SPATA7: variants seen among roughly 807,000 people sequenced by gnomAD.
The protein encoded by SPATA7 is spermatogenesis associated 7.
A neutral mutation model predicts 51.8 loss-of-function variants in SPATA7; 43 were observed. That is an observed-to-expected ratio of 0.83 (90% CI 0.65 to 1.07). The LOEUF (loss-of-function observed/expected upper bound fraction) is 1.07. Among genes scored for constraint, SPATA7 ranks in the 50% least tolerant of loss-of-function variants. The probability of loss-of-function intolerance (pLI) is 0.00; values close to 1 mark genes in which losing one functional copy is unlikely to be tolerated. For synonymous variants in SPATA7, 230 were observed against 252.8 expected (o/e 0.91, Z 0.86); for missense variants, 683 against 701.3 (o/e 0.97, Z 0.30).
downstream of SPATA7, among the ~76,000 whole-genome samples, chr14:88,440,004 C>T (rs1325267622): frequency 6.6e-6 from 1 of 152,138 alleles, no homozygotes; most frequent in Non-Finnish European, 1.5e-5. Context: ...TCTTGGTCCC[C>T]AGCCTGGGTC....
Position 88,431,211 on chromosome 14 carries a change from T to TA in SPATA7, c.1072dup (p.Ile358AsnfsTer4). The TA allele has an allele frequency of 6.2e-7, 1 of 1,613,626 alleles. No homozygotes were observed. Among genetic ancestry groups the TA allele is most frequent in the Non-Finnish European group, 8.5e-7 (1 of 1,179,632 alleles). On this transcript the variant is annotated frameshift_variant, in exon 9 of 12. Transcript: ENST00000393545. LOFTEE classifies it high-confidence loss of function. ...ATTCCCTGAAGCCCCCTTCAACTCGTAAAATCTACTCTGAGTAAGATCTTT... is the reference window on the plus strand; with the variant it reads ...ATTCCCTGAAGCCCCCTTCAACTCGTAAAAATCTACTCTGAGTAAGATCTTT...
chr14:88,417,338 ACT>A (rs2076513309), intron 5 of SPATA7, among the ~76,000 whole-genome samples: 3 of 141,840 alleles, frequency 2.1e-5, no homozygotes, highest in Non-Finnish European at 4.5e-5. Context: ...ATATAGTCTC[ACT>A]CTGTTGCCCA....
intron 5 of SPATA7, among the ~76,000 whole-genome samples, chr14:88,423,521 A>C (rs981871237): frequency 6.6e-5 from 10 of 151,776 alleles, no homozygotes; most frequent in African/African-American, 2.4e-4. Flanking sequence ...AGGCCACTGC[A>C]CTCCAGCCTG....
chr14:88,391,766 G>A, intron 2 of SPATA7: 2 of 387,282 alleles, frequency 5.2e-6, no homozygotes, highest in Non-Finnish European at 9.7e-6. Context: ...ATGGTGAGTA[G>A]CAGGTATTAA....
intron 5 of SPATA7, 30 bp downstream of exon 5, chr14:88,416,874 A>G: frequency 1.3e-6 from 2 of 1,556,426 alleles, no homozygotes; most frequent in South Asian, 1.1e-5. Flanking sequence ...TTTTAAAAGC[A>G]AATGTTTCTA....
In SPATA7 at chr14:88,462,707, G is replaced by A. The variant is rs548458082; in HGVS notation, c.255-7140G>A. 2.0e-5 allele frequency among the ~76,000 whole-genome samples: 3 copies of A among 152,346 alleles called. No individual in the cohort carries two copies. In the South Asian group the frequency reaches 6.2e-4, roughly 32 times the overall value. On this transcript the variant is annotated intron_variant, in intron 4 of 4. Transcript: ENST00000556406. ...CGATTCAGAGCCAAGGGATTTTACA[G>A]ATTTTAAAGTGCGTTTATTTGACAC...
chr14:88,418,857 T>A (rs914718155), intron 5 of SPATA7, among the ~76,000 whole-genome samples: 3 of 152,242 alleles, frequency 2.0e-5, no homozygotes, highest in Middle Eastern at 3.2e-3. Flanking sequence ...TTTTCCTTAG[T>A]ATCTGTTTGT....
intron 8 of SPATA7, 31 bp downstream of exon 8, chr14:88,429,494 C>T (rs1304209934): frequency 1.4e-5 from 20 of 1,426,064 alleles, no homozygotes; most frequent in Non-Finnish European, 2.0e-5. Flanking sequence ...ATAATTTCAA[C>T]TGTCTTTAAT....
intron 4 of SPATA7, chr14:88,468,274 A>C: frequency 1.9e-6 from 3 of 1,589,274 alleles, no homozygotes; most frequent in Non-Finnish European, 2.6e-6. Context: ...ACCTAGGTTG[A>C]GAGAAACGGT....
At chr14:88,434,495 G>A (rs2077023859) in intron 10 of SPATA7, among the ~76,000 whole-genome samples, 2 of 152,080 alleles carry the variant, frequency 1.3e-5, no homozygotes, top group African/African-American at 2.4e-5. Flanking sequence ...CACCAGCCTG[G>A]CCAATATGGT....
chr14:88,420,455 T>A lies in SPATA7; in HGVS notation c.372+3611T>A, dbSNP rs142734687. ...AGTTCTCTCATTAGTTCAAGAAAAA[T>A]CATTAATGTGCAGATCGTTCAGCTT... On this transcript the variant is annotated intron_variant, in intron 5 of 11. Coordinates refer to ENST00000393545, the MANE Select transcript of SPATA7 (RefSeq NM_018418.5). Among the ~76,000 whole-genome samples, 389 of 152,318 alleles carry A rather than the reference T, an allele frequency of 2.6e-3. 1 individual carries two copies. Among genetic ancestry groups the A allele is most frequent in the African/African-American group, 9.1e-3 (377 of 41,570 alleles).
chr14:88,442,002 T>C (rs2077181450), downstream of SPATA7, among the ~76,000 whole-genome samples: 1 of 152,180 alleles, frequency 6.6e-6, no homozygotes, highest in Admixed American at 6.5e-5. Flanking sequence ...TGATCCATCT[T>C]GAGTTGATTT....
chr14:88,430,883 AG>A (rs2076920286), intron 8 of SPATA7, among the ~76,000 whole-genome samples: 1 of 152,176 alleles, frequency 6.6e-6, no homozygotes, highest in Non-Finnish European at 1.5e-5. Flanking sequence ...ATGTAATTAC[AG>A]GTTGAGCATC....
At chr14:88,404,609 C>T (rs767206631) in intron 4 of SPATA7, among the ~76,000 whole-genome samples, 6 of 151,930 alleles carry the variant, frequency 3.9e-5, no homozygotes, top group South Asian at 2.1e-4. Flanking sequence ...TCCAGCTACT[C>T]GGGAGGCTGA....
chr14:88,465,978 A>G (rs1276940049), intron 4 of SPATA7: 1 of 151,184 alleles, frequency 6.6e-6, no homozygotes, highest in Non-Finnish European at 1.5e-5. Flanking sequence ...CTCTTTAATT[A>G]GATTTGTTTT....
At chr14:88,402,012 T>A (rs1475832299) in intron 4 of SPATA7, among the ~76,000 whole-genome samples, 1 of 152,004 alleles carries the variant, frequency 6.6e-6, no homozygotes, top group Non-Finnish European at 1.5e-5. Flanking sequence ...CAAACAACTG[T>A]CTGAAAAGGA....
At chr14:88,459,742 C>T (rs148749346), downstream of SPATA7, among the ~76,000 whole-genome samples, 5,773 of 152,178 alleles carry the variant, frequency 0.038, 358 homozygotes, top group African/African-American at 0.13. Context: ...TATGTGTGAA[C>T]TTGATCCTGT....
chr14:88,407,490 G>A (rs910866180), intron 4 of SPATA7, among the ~76,000 whole-genome samples: 7 of 152,014 alleles, frequency 4.6e-5, no homozygotes, highest in African/African-American at 1.7e-4. Flanking sequence ...TAAGTTCCTT[G>A]TGGATTCTGG....
rs372659758 is a variant in SPATA7 at position 88,464,337 on chromosome 14, TAA to T, written c.255-5509_255-5508del. ...AATTTAGATTCTTTTTTTAAAAAAT[TAA>T]GTTTAAACTGGAAAGGGATAGTTTT... is the stretch of plus-strand genomic sequence containing the variant. On this transcript the variant is annotated intron_variant, in intron 4 of 4. Coordinates refer to the SPATA7 transcript ENST00000556406. Among the ~76,000 whole-genome samples, 161 of 152,254 alleles carry T rather than the reference TAA, an allele frequency of 1.1e-3. 2 individuals are homozygous for T. The East Asian group carries it at 0.023, about 22-fold the overall frequency.
Sources: allele counts gnomAD v4.1 joint callset (sites outside exome capture counted in the v4.1 genomes callset), GRCh38; gene constraint gnomAD v4.1.1; transcripts MANE v1.5; gene names NCBI Gene and HGNC (gene_info 2026-07-23, HGNC 2026-07-21).